The following DLGAP2 variants were observed in gnomAD, a reference collection of about 807,000 sequenced individuals.
DLGAP2 encodes the protein disks large-associated protein 2.
Under a neutral mutation model 100.3 loss-of-function variants are expected in DLGAP2, and 26 were observed. That is an observed-to-expected ratio of 0.26 (90% CI 0.19 to 0.36). The LOEUF (loss-of-function observed/expected upper bound fraction) is 0.36, where lower values mean the gene tolerates loss of function less well. DLGAP2 is among the 10% of genes least tolerant of loss of function. DLGAP2 has a pLI of 1.00. For synonymous variants in DLGAP2, 886 were observed against 630.1 expected, an observed-to-expected ratio of 1.41 and a Z score of -6.08; for missense variants, 1,858 against 1,453.2, an observed-to-expected ratio of 1.28 and a Z score of -4.53.
intron 1 of DLGAP2, among the ~76,000 whole-genome samples, chr8:811,572 C>G (rs965657612): frequency 3.3e-5 from 5 of 149,420 alleles, no homozygotes; most frequent in African/African-American, 1.2e-4. Flanking sequence ...TCTGGGGGCC[C>G]TGCCAGGGCT....
chr8:874,359 A>G (rs1430949784), intron 1 of DLGAP2, among the ~76,000 whole-genome samples: 1 of 151,930 alleles, frequency 6.6e-6, no homozygotes, highest in Non-Finnish European at 1.5e-5. Flanking sequence ...TTTCCCTTGA[A>G]CCCTGCTTTG....
chr8:788,804 C>G (rs745495525), intron 1 of DLGAP2, among the ~76,000 whole-genome samples: 2 of 152,170 alleles, frequency 1.3e-5, no homozygotes, highest in African/African-American at 4.8e-5. Flanking sequence ...GGGTTCTGTT[C>G]TACTTTATCG....
At chr8:1,025,789 C>G (rs760942898) in intron 2 of DLGAP2, among the ~76,000 whole-genome samples, 1 of 152,184 alleles carries the variant, frequency 6.6e-6, no homozygotes, top group Non-Finnish European at 1.5e-5. Flanking sequence ...GAGACACGGT[C>G]GCAATGGCTC....
At chr8:1,206,472 C>G (rs1171932083) in intron 2 of DLGAP2, among the ~76,000 whole-genome samples, 1 of 151,154 alleles carries the variant, frequency 6.6e-6, no homozygotes, top group East Asian at 1.9e-4. Flanking sequence ...AGTGGTTAAT[C>G]TCCAGCCATC....
intron 2 of DLGAP2, among the ~76,000 whole-genome samples, chr8:1,248,975 C>T (rs951353505): frequency 6.6e-6 from 1 of 152,090 alleles, no homozygotes. Flanking sequence ...TGAGCTCAGC[C>T]ACAATGTAAG....
intron 4 of DLGAP2, among the ~76,000 whole-genome samples, chr8:1,506,580 A>C (rs1316269800): frequency 1.3e-5 from 2 of 152,190 alleles, no homozygotes; most frequent in Middle Eastern, 3.2e-3. Context: ...AAAATTAAGC[A>C]TCCACACTGC....
intron 3 of DLGAP2, among the ~76,000 whole-genome samples, chr8:1,328,925 C>T (rs1021396681): frequency 6.6e-6 from 1 of 152,212 alleles, no homozygotes; most frequent in African/African-American, 2.4e-5. Context: ...AATGAAGGGT[C>T]TGATCCTCTG....
At chr8:857,146 T>C (rs1448326303) in intron 1 of DLGAP2, among the ~76,000 whole-genome samples, 2 of 152,228 alleles carry the variant, frequency 1.3e-5, no homozygotes, top group Non-Finnish European at 2.9e-5. Context: ...ACAGATGGTG[T>C]GGAGCAATGG....
intron 1 of DLGAP2, among the ~76,000 whole-genome samples, chr8:746,913 T>G (rs959411390): frequency 6.6e-6 from 1 of 152,160 alleles, no homozygotes; most frequent in African/African-American, 2.4e-5. Flanking sequence ...TAGGGTGATG[T>G]CGGCCCTGCA....
chr8:1,563,520 G>T, intron 5 of DLGAP2, among the ~76,000 whole-genome samples: 1 of 141,374 alleles, frequency 7.1e-6, no homozygotes, highest in Non-Finnish European at 1.5e-5. Flanking sequence ...TCCGTGCCTC[G>T]TTACTGCGGG....
chr8:1,059,071 G>C (rs984091153), intron 2 of DLGAP2, among the ~76,000 whole-genome samples: 1 of 152,190 alleles, frequency 6.6e-6, no homozygotes, highest in African/African-American at 2.4e-5. Context: ...ATGTGTCCAT[G>C]TGTCCATGGG....
chr8:762,580 G>T (rs529354737), intron 1 of DLGAP2, among the ~76,000 whole-genome samples: 7 of 152,184 alleles, frequency 4.6e-5, no homozygotes, highest in East Asian at 1.9e-4. Context: ...GAGCTCTTCT[G>T]CTTGCCACCT....
At chr8:1,241,385 A>G (rs951431800) in intron 2 of DLGAP2, among the ~76,000 whole-genome samples, 29 of 151,654 alleles carry the variant, frequency 1.9e-4, no homozygotes, top group Non-Finnish European at 3.2e-4. Flanking sequence ...CGCCGTGTCT[A>G]GTTCTCTGTC....
chr8:1,061,496 G>T (rs1331130900), intron 2 of DLGAP2, among the ~76,000 whole-genome samples: 4 of 152,098 alleles, frequency 2.6e-5, no homozygotes, highest in Non-Finnish European at 5.9e-5. Flanking sequence ...AGGATCCCGT[G>T]ACCCCTTCTT....
In DLGAP2 at chr8:1,237,224, C is replaced by T. The variant is rs75295987; in HGVS notation, c.74-21627C>T. Reference sequence around the variant, plus strand: ...CACGTGGTGCCGTGTCTAGTTCTCTCACATGGCGCCGTGTCTAGTTCTCTC... The same window carrying T: ...CACGTGGTGCCGTGTCTAGTTCTCTTACATGGCGCCGTGTCTAGTTCTCTC... On this transcript the variant is annotated intron_variant, in intron 2 of 14. Transcript: ENST00000637795. Among the ~76,000 whole-genome samples the T allele has an allele frequency of 3.3e-4, 47 of 143,566 alleles. No homozygotes were observed. In the East Asian group the frequency reaches 3.6e-3, roughly 11 times the overall value. The allele number at this position is 143,566 out of a possible 152,430, so 94.2% of individuals were successfully genotyped here. A position where few individuals can be genotyped will look rare whatever the true frequency, so the allele number is the denominator to read the frequency against.
chr8:1,260,381 T>G (rs1443153723), intron 3 of DLGAP2, among the ~76,000 whole-genome samples: 1 of 152,130 alleles, frequency 6.6e-6, no homozygotes, highest in Non-Finnish European at 1.5e-5. Flanking sequence ...TTAAACACAT[T>G]GCATCTTGCT....
At chr8:989,242 G>C (rs1000088940) in intron 2 of DLGAP2, among the ~76,000 whole-genome samples, 1 of 152,078 alleles carries the variant, frequency 6.6e-6, no homozygotes, top group Non-Finnish European at 1.5e-5. Flanking sequence ...GAGTCCCTCT[G>C]GGTTCCCAGG....
Position 1,509,347 on chromosome 8 carries a change from G to A in DLGAP2, c.172+7916G>A, listed in dbSNP as rs751391864. 1.5e-3 allele frequency among the ~76,000 whole-genome samples: 196 copies of A among 135,050 alleles called. 3 individuals carry two copies. Among genetic ancestry groups the A allele is most frequent in the African/African-American group, 5.6e-3 (190 of 34,126 alleles). 88.6% of individuals were successfully genotyped at this position (135,050 alleles called of 152,430 possible). A position where few individuals can be genotyped will look rare whatever the true frequency, so the allele number is the denominator to read the frequency against. ...TCCGTCCAAAAAAAAAAAAAAAACC[G>A]TATAGACTAGAAAATACCAAAGTAC... On this transcript the variant is annotated intron_variant, in intron 4 of 14. Transcript: ENST00000637795.
At chr8:1,334,613 C>T (rs1277366961) in intron 3 of DLGAP2, among the ~76,000 whole-genome samples, 1 of 152,126 alleles carries the variant, frequency 6.6e-6, no homozygotes, top group African/African-American at 2.4e-5. Flanking sequence ...TGGAGACATG[C>T]ACCCACCGTG....
Sources: gnomAD v4.1 joint callset for allele counts (sites outside exome capture counted in the v4.1 genomes callset) on GRCh38, gnomAD v4.1.1 for gene constraint, MANE v1.5 for transcripts, NCBI Gene and HGNC (gene_info 2026-07-23, HGNC 2026-07-21) for gene names.